The following GSG1L variants were observed in gnomAD, a reference collection of about 807,000 sequenced individuals.
The protein encoded by GSG1L is germ cell-specific gene 1-like protein.
Under a neutral mutation model 42.1 loss-of-function variants are expected in GSG1L, and 24 were observed. The observed-to-expected ratio is 0.57, with a 90% CI of 0.41 to 0.80. The LOEUF is 0.80. Among genes scored for constraint, GSG1L ranks in the 30% least tolerant of loss-of-function variants. The probability of loss-of-function intolerance (pLI) is 0.00; values close to 1 mark genes in which losing one functional copy is unlikely to be tolerated. For synonymous variants in GSG1L, 215 were observed against 203.5 expected, an observed-to-expected ratio of 1.06 and a Z score of -0.48; for missense variants, 445 against 472.2, an observed-to-expected ratio of 0.94 and a Z score of 0.53.
At chr16:28,057,584 C>T (rs1372306224) in intron 1 of GSG1L, among the ~76,000 whole-genome samples, 1 of 152,208 alleles carries the variant, frequency 6.6e-6, no homozygotes, top group Non-Finnish European at 1.5e-5. Context: ...TATTCAAAGA[C>T]ACTGGGAACA....
intron 4 of GSG1L, among the ~76,000 whole-genome samples, chr16:27,832,102 C>T (rs1170301321): frequency 6.6e-6 from 1 of 152,302 alleles, no homozygotes; most frequent in African/African-American, 2.4e-5. Flanking sequence ...GCCCTTATCA[C>T]ACCCTGTGAT....
At position 28,063,472 on chromosome 16, in the gene GSG1L, C is replaced by T; in HGVS notation, c.-48G>A. ...GACTGCACCGCCGGGGAGCTCCGCGCGCGAAGTTGGCAGCTGGCGCCCCGC... is the reference window on the plus strand; with the variant it reads ...GACTGCACCGCCGGGGAGCTCCGCGTGCGAAGTTGGCAGCTGGCGCCCCGC... On this transcript the variant is annotated 5_prime_UTR_variant, in exon 1 of 7. Transcript: ENST00000447459. The surrounding 1 kb of genome is among the most constrained non-coding windows in gnomAD (Gnocchi z 5.8). 8.9e-7 allele frequency: 1 copy of T among 1,123,414 alleles called. No homozygotes were observed. Among genetic ancestry groups the T allele is most frequent in the Non-Finnish European group, 1.1e-6 (1 of 914,730 alleles). The allele number at this position is 1,123,414 out of a possible 1,614,324, so 69.6% of individuals were successfully genotyped here. A position where few individuals can be genotyped will look rare whatever the true frequency, so the allele number is the denominator to read the frequency against.
chr16:27,974,229 G>T (rs2085226656), intron 1 of GSG1L, among the ~76,000 whole-genome samples: 1 of 152,130 alleles, frequency 6.6e-6, no homozygotes, highest in Non-Finnish European at 1.5e-5. Flanking sequence ...GATGTTTGGG[G>T]ATCCACAGCA....
intron 1 of GSG1L, among the ~76,000 whole-genome samples, chr16:28,018,352 T>G (rs780285130): frequency 8.5e-4 from 130 of 152,336 alleles, no homozygotes; most frequent in Non-Finnish European, 1.8e-3. Flanking sequence ...AGACTTCTCC[T>G]AGAGGCACAA....
In GSG1L at chr16:27,861,826, T is replaced by C. The variant is rs368250786; in HGVS notation, c.551-16765A>G. Among the ~76,000 whole-genome samples, 6 of 152,312 alleles carry C rather than the reference T, an allele frequency of 3.9e-5. 1 individual carries two copies. The East Asian group carries it at 5.8e-4, about 15-fold the overall frequency. On this transcript the variant is annotated intron_variant, in intron 3 of 6. Coordinates refer to ENST00000447459, the MANE Select transcript of GSG1L (RefSeq NM_001109763.2). ...ATTTGTTACTATCTCAGGGCTCAGA[T>C]TCCAGTCCCTTCTGCAAGGGTGACT...
chr16:27,870,990 C>T (rs1013703133), intron 3 of GSG1L, among the ~76,000 whole-genome samples: 1 of 147,714 alleles, frequency 6.8e-6, no homozygotes, highest in Admixed American at 6.6e-5. Context: ...CACTCCTTCA[C>T]TTAAAGCCCT....
chr16:27,990,577 C>CT (rs541124329), intron 1 of GSG1L, among the ~76,000 whole-genome samples: 1 of 152,142 alleles, frequency 6.6e-6, no homozygotes, highest in South Asian at 2.1e-4. Flanking sequence ...TGCAAGATTC[C>CT]TGACCTGTGA....
intron 4 of GSG1L, among the ~76,000 whole-genome samples, chr16:27,832,192 C>A (rs923514368): frequency 2.0e-4 from 30 of 152,276 alleles, no homozygotes; most frequent in African/African-American, 6.7e-4. Context: ...TACAGATTCA[C>A]AAACAGCTGT....
intron 3 of GSG1L, among the ~76,000 whole-genome samples, chr16:27,865,487 C>T (rs1282922868): frequency 1.4e-5 from 2 of 145,880 alleles, no homozygotes; most frequent in Admixed American, 1.4e-4. Flanking sequence ...ATGTCAACCA[C>T]AGAGCAGGGA....
At chr16:27,864,296 G>A (rs8061120) in intron 3 of GSG1L, among the ~76,000 whole-genome samples, 2,539 of 152,230 alleles carry the variant, frequency 0.017, 69 homozygotes, top group African/African-American at 0.058. Context: ...ATGGCATGAG[G>A]GTGGAAAAGA....
At chr16:27,920,442 C>A (rs1335390433) in intron 2 of GSG1L, among the ~76,000 whole-genome samples, 1 of 152,226 alleles carries the variant, frequency 6.6e-6, no homozygotes, top group Non-Finnish European at 1.5e-5. Context: ...GAGGCAGACG[C>A]CACCTCCAGG....
chr16:28,053,952 CTGTA>C (rs2086249353), intron 1 of GSG1L, among the ~76,000 whole-genome samples: 1 of 152,182 alleles, frequency 6.6e-6, no homozygotes. Context: ...CTCGCTCCCT[CTGTA>C]TGTGTCTGCC....
At chr16:27,998,958 G>A (rs2085550445) in intron 1 of GSG1L, among the ~76,000 whole-genome samples, 1 of 152,114 alleles carries the variant, frequency 6.6e-6, no homozygotes, top group Admixed American at 6.6e-5. Context: ...CCCAAACAGA[G>A]TTAATGACAC....
intron 1 of GSG1L, among the ~76,000 whole-genome samples, chr16:27,995,125 C>G (rs145064176): frequency 6.6e-6 from 1 of 152,154 alleles, no homozygotes; most frequent in African/African-American, 2.4e-5. Flanking sequence ...AACCCAACCT[C>G]GAGAAGAATG....
intron 2 of GSG1L, among the ~76,000 whole-genome samples, chr16:27,939,559 G>A (rs973302469): frequency 6.6e-6 from 1 of 152,200 alleles, no homozygotes; most frequent in African/African-American, 2.4e-5. Context: ...CTGGTCAGCA[G>A]AGAGGCAGCT....
chr16:27,809,261 G>A (rs1260115175), intron 5 of GSG1L, among the ~76,000 whole-genome samples: 2 of 152,170 alleles, frequency 1.3e-5, no homozygotes, highest in Non-Finnish European at 2.9e-5. Flanking sequence ...AGTGCATGCC[G>A]GAGTGGTGGT....
intron 1 of GSG1L, among the ~76,000 whole-genome samples, chr16:27,994,129 T>G (rs998450236): frequency 2.6e-5 from 4 of 152,170 alleles, no homozygotes; most frequent in African/African-American, 9.7e-5. Flanking sequence ...GACAAAAAAC[T>G]CCAGGTGATA....
At chr16:27,845,849 A>T (rs952227370) in intron 3 of GSG1L, among the ~76,000 whole-genome samples, 2 of 151,890 alleles carry the variant, frequency 1.3e-5, no homozygotes, top group Non-Finnish European at 2.9e-5. Context: ...TTCTTTGTGT[A>T]TTCTGAATAT....
intron 2 of GSG1L, among the ~76,000 whole-genome samples, chr16:27,891,310 TACCTC>T (rs1295798951): frequency 1.3e-5 from 2 of 152,218 alleles, no homozygotes; most frequent in African/African-American, 4.8e-5. Context: ...GCATTCTTAT[TACCTC>T]AATCAAAAGA....
Sources: allele counts gnomAD v4.1 joint callset (sites outside exome capture counted in the v4.1 genomes callset), GRCh38; gene constraint gnomAD v4.1.1; non-coding constraint Gnocchi (gnomAD v3.1); transcripts MANE v1.5; gene names NCBI Gene and HGNC (gene_info 2026-07-23, HGNC 2026-07-21).